Variants in MPRIP observed in about 807,000 individuals in gnomAD.
MPRIP encodes myosin phosphatase Rho-interacting protein.
Under a neutral mutation model 234.9 loss-of-function variants are expected in MPRIP, and 59 were observed. The ratio of observed to expected loss-of-function variants is 0.25; its 90% CI spans 0.20 to 0.31. MPRIP has a LOEUF of 0.31. Ranked by LOEUF, MPRIP falls within the 10% of genes least tolerant of loss-of-function variation. The probability of loss-of-function intolerance (pLI) is 1.00; values close to 1 mark genes in which losing one functional copy is unlikely to be tolerated. For synonymous variants in MPRIP, 1,144 were observed against 1,263.9 expected (o/e 0.91, Z 2.01); for missense variants, 2,436 against 3,071.0 (o/e 0.79, Z 4.89).
chr17:17,046,084 C>T lies in MPRIP; in HGVS notation c.123+3113C>T, dbSNP rs188667254. Among the ~76,000 whole-genome samples, 116 of 152,330 alleles carry T rather than the reference C, an allele frequency of 7.6e-4. 1 individual carries two copies. Among genetic ancestry groups the T allele is most frequent in the African/African-American group, 2.7e-3 (111 of 41,572 alleles). The stretch of plus-strand genomic sequence containing the variant: ...CCTCCCAAAGTGCCGGGATTACAGG[C>T]GTGAGTCACTGTGCCCAGCTCAAAT... On this transcript the variant is annotated intron_variant, in intron 1 of 23. Transcript: ENST00000651222.
chr17:17,057,724 C>T (rs748798527), intron 1 of MPRIP: 10 of 717,660 alleles, frequency 1.4e-5, no homozygotes, highest in South Asian at 1.0e-4. Flanking sequence ...AGAGGAATGG[C>T]ATCAGCTATG....
At position 17,186,392 on chromosome 17, in the gene MPRIP, T is replaced by C. The variant is rs1792419039; in HGVS notation, c.*1498T>C. ...GGGAGCAAGGCCTGGAGTTTTCATG[T>C]GTTTTCAGACCCAGGTTTAGGTGCT... On this transcript the variant is annotated 3_prime_UTR_variant, in exon 24 of 24. Coordinates refer to ENST00000651222, the MANE Select transcript of MPRIP (RefSeq NM_001364716.4). The C allele has an allele frequency of 6.6e-6, 1 of 152,188 alleles. No homozygotes were observed. Among genetic ancestry groups the C allele is most frequent in the Non-Finnish European group, 1.5e-5 (1 of 68,044 alleles). The allele number at this position is 152,188 out of a possible 1,614,324, so 9.4% of individuals were successfully genotyped here. A position where few individuals can be genotyped will look rare whatever the true frequency, so the allele number is the denominator to read the frequency against.
rs771177913 is a variant in MPRIP at position 17,165,559 on chromosome 17, G to C, written c.3968G>C (p.Arg1323Pro). The C allele has an allele frequency of 8.4e-6, 11 of 1,304,598 alleles. No individual in the cohort carries two copies. The South Asian group carries it at 1.4e-4, about 16-fold the overall frequency. The allele number at this position is 1,304,598 out of a possible 1,614,324, so 80.8% of individuals were successfully genotyped here. ...GAPGVKRQRI[R>P]FSTIQCQRYI... ...CCTGGTGTTAAAAGGCAAAGAATCCGGTTCTCCACAATCCAGTGCCAAAGA... is the reference window on the plus strand; with the variant it reads ...CCTGGTGTTAAAAGGCAAAGAATCCCGTTCTCCACAATCCAGTGCCAAAGA... Residue 1323 changes from arginine (R) to proline (P), a missense_variant, in exon 16 of 24, where the codon CGG becomes CCG. Coordinates refer to ENST00000651222, the MANE Select transcript of MPRIP (RefSeq NM_001364716.4).
At chr17:17,088,315 T>C (rs946040616) in intron 3 of MPRIP, among the ~76,000 whole-genome samples, 2 of 152,244 alleles carry the variant, frequency 1.3e-5, no homozygotes, top group South Asian at 2.1e-4. Context: ...CTGCAGCAGC[T>C]GTGACGGTAC....
chr17:17,105,158 G>T (rs1467052758), intron 3 of MPRIP, among the ~76,000 whole-genome samples: 1 of 152,196 alleles, frequency 6.6e-6, no homozygotes, highest in Non-Finnish European at 1.5e-5. Flanking sequence ...AACCTGGGAT[G>T]GGCATCGCTT....
chr17:17,066,318 C>T (rs938229759), intron 1 of MPRIP, among the ~76,000 whole-genome samples: 6 of 152,144 alleles, frequency 3.9e-5, no homozygotes, highest in African/African-American at 1.4e-4. Context: ...TCTATTCCTA[C>T]TTTCTGAGAG....
intron 16 of MPRIP, chr17:17,169,953 A>G (rs2046094726): frequency 6.6e-6 from 1 of 152,142 alleles, no homozygotes; most frequent in Non-Finnish European, 1.5e-5. Context: ...AAGATGTCCC[A>G]GTGCTTCTGT....
At chr17:17,090,008 C>T (rs550806204) in intron 3 of MPRIP, among the ~76,000 whole-genome samples, 3 of 151,782 alleles carry the variant, frequency 2.0e-5, no homozygotes, top group African/African-American at 7.3e-5. Flanking sequence ...CGACGCCTGG[C>T]CTCCTGTTCA....
chr17:17,134,625 G>A (rs945067813), intron 5 of MPRIP, among the ~76,000 whole-genome samples: 1 of 152,192 alleles, frequency 6.6e-6, no homozygotes, highest in East Asian at 1.9e-4. Flanking sequence ...CTGTCCGTGA[G>A]GCCTGGAATC....
At chr17:17,075,808 T>C (rs1382390087) in intron 2 of MPRIP, 21 bp downstream of exon 2, 2 of 1,612,728 alleles carry the variant, frequency 1.2e-6, no homozygotes, top group South Asian at 1.1e-5. Context: ...CAGAGCCAAC[T>C]CTCAGGGAGG....
intron 16 of MPRIP, chr17:17,168,550 A>C (rs2046058052): frequency 3.0e-6 from 1 of 336,576 alleles, no homozygotes; most frequent in Non-Finnish European, 5.8e-6. Context: ...ACTGTCCTGC[A>C]TCCCCGCCCC....
Position 17,078,604 on chromosome 17 carries a change from G to T in MPRIP, c.267+528G>T, listed in dbSNP as rs2089390316. On this transcript the variant is annotated intron_variant, in intron 3 of 23. Transcript: ENST00000651222. The surrounding 1 kb of genome is among the most constrained non-coding windows in gnomAD (Gnocchi z 4.3). ...CATCGTTCTTCTGGTCACTAAACCAGGCAGACAGGCTTCTTCCTCCTCCCC... is the reference window on the plus strand; with the variant it reads ...CATCGTTCTTCTGGTCACTAAACCATGCAGACAGGCTTCTTCCTCCTCCCC... Among the ~76,000 whole-genome samples the T allele has an allele frequency of 6.6e-6, 1 of 152,200 alleles. No individual in the cohort carries two copies. The highest frequency in any genetic ancestry group is 2.4e-5 in the African/African-American group (1 of 41,448).
chr17:17,132,038 C>T (rs1567736657), intron 5 of MPRIP, among the ~76,000 whole-genome samples: 1 of 152,196 alleles, frequency 6.6e-6, no homozygotes, highest in South Asian at 2.1e-4. Context: ...GTCAAAAGGA[C>T]TCTGCACCCA....
chr17:17,176,430 T>C lies in MPRIP; in HGVS notation c.6875T>C (p.Leu2292Ser), dbSNP rs2046255038. 1 of 1,613,292 alleles carries C rather than the reference T, an allele frequency of 6.2e-7. No individual in the cohort carries two copies. Among genetic ancestry groups the C allele is most frequent in the African/African-American group, 1.3e-5 (1 of 75,028 alleles). ...CTGATCTCTCTGTCATTTTAGGTCT[T>C]ATTGCGGGTAAAGGAATCGGAAATA... Reference protein sequence around the residue: ...QGKDAYELEVLLRVKESEIQY... With the variant: ...QGKDAYELEVSLRVKESEIQY... The change falls in exon 21 of 24, where the codon TTA (leucine) becomes TCA (serine). Residue 2292 changes from leucine (L) to serine (S), a missense_variant. Transcript: ENST00000651222.
intron 3 of MPRIP, among the ~76,000 whole-genome samples, chr17:17,111,841 C>G (rs1389361614): frequency 3.3e-5 from 5 of 152,184 alleles, no homozygotes; most frequent in African/African-American, 4.8e-5. Flanking sequence ...CACTCACTCT[C>G]TGTTCCCAGG....
At chr17:17,171,385 A>C (rs2046131028) in intron 16 of MPRIP, 1 of 213,740 alleles carries the variant, frequency 4.7e-6, no homozygotes. Flanking sequence ...GCAACGCAGG[A>C]AGGTCCAGGG....
chr17:17,050,708 T>G (rs902953513), intron 1 of MPRIP, among the ~76,000 whole-genome samples: 1 of 152,230 alleles, frequency 6.6e-6, no homozygotes, highest in Non-Finnish European at 1.5e-5. Flanking sequence ...TGATGGCTTC[T>G]TTTGGTGTGT....
intron 3 of MPRIP, among the ~76,000 whole-genome samples, chr17:17,085,732 G>A (rs895493997): frequency 1.3e-5 from 2 of 152,192 alleles, no homozygotes; most frequent in African/African-American, 4.8e-5. Flanking sequence ...CTAACACGGT[G>A]AAACCCCATC....
chr17:17,072,646 G>C (rs1033730124), intron 1 of MPRIP, among the ~76,000 whole-genome samples: 3 of 152,178 alleles, frequency 2.0e-5, no homozygotes, highest in African/African-American at 7.2e-5. Flanking sequence ...AGAGGGCCAG[G>C]TTTTGGGGAG....
Sources: gnomAD v4.1 joint callset for allele counts (sites outside exome capture counted in the v4.1 genomes callset) on GRCh38, gnomAD v4.1.1 for gene constraint, Gnocchi (gnomAD v3.1) non-coding constraint, MANE v1.5 for transcripts, NCBI Gene and HGNC (gene_info 2026-07-23, HGNC 2026-07-21) for gene names.